The following TENM3 variants were observed in gnomAD, a reference collection of about 807,000 sequenced individuals.
TENM3 encodes the protein teneurin transmembrane protein 3.
TENM3 carries 63 observed loss-of-function variants against 255.1 expected under a neutral mutation model. The ratio of observed to expected loss-of-function variants is 0.25; its 90% confidence interval spans 0.20 to 0.30. The LOEUF is 0.30. Among genes scored for constraint, TENM3 ranks in the 10% least tolerant of loss-of-function variants. TENM3 has a pLI of 1.00. For missense variants in TENM3, 2,929 were observed against 3,461.1 expected (o/e 0.85, Z 3.86); for synonymous variants, 1,306 against 1,322.3 (o/e 0.99, Z 0.27).
the TENM3 span, among the ~76,000 whole-genome samples, chr4:181,621,030 T>A: frequency 6.6e-6 from 1 of 152,162 alleles, no homozygotes; most frequent in Non-Finnish European, 1.5e-5. Context: ...TGAAACATTT[T>A]AACTAGTTTT....
the TENM3 span, among the ~76,000 whole-genome samples, chr4:181,770,401 G>A: frequency 1.4e-4 from 22 of 152,240 alleles, no homozygotes; most frequent in South Asian, 2.1e-4. Flanking sequence ...TTGGCCGGGC[G>A]TGGTGGCTCA....
At position 182,250,635 on chromosome 4, in the gene TENM3, G is replaced by T. The variant is rs1230700556; in HGVS notation, c.-76+7159G>T. On this transcript the variant is annotated intron_variant, in intron 1 of 27. Coordinates refer to ENST00000511685, the MANE Select transcript of TENM3 (RefSeq NM_001080477.4). ...TCAGTGACTTTTTTGTAAAGCCAAA[G>T]AATTCTTACGTGTGAATGATTTCCA... Among the ~76,000 whole-genome samples the T allele has an allele frequency of 2.0e-5, 3 of 152,162 alleles. No individual in the cohort carries two copies. In the East Asian group the frequency reaches 5.8e-4, roughly 29 times the overall value.
chr4:182,335,103 G>C (rs1328657517), intron 2 of TENM3, among the ~76,000 whole-genome samples: 1 of 151,932 alleles, frequency 6.6e-6, no homozygotes, highest in African/African-American at 2.4e-5. Context: ...GCACAGGTAG[G>C]AAGGCCTTCT....
chr4:181,973,020 T>C, the TENM3 span, among the ~76,000 whole-genome samples: 1 of 152,180 alleles, frequency 6.6e-6, no homozygotes, highest in Non-Finnish European at 1.5e-5. Context: ...AGCGGCACTT[T>C]ATTGACAAAA....
intron 3 of TENM3, among the ~76,000 whole-genome samples, chr4:182,572,000 C>T (rs910566083): frequency 6.6e-6 from 1 of 152,110 alleles, no homozygotes; most frequent in African/African-American, 2.4e-5. Context: ...CTCCTGGGTT[C>T]AAGCAATTCT....
At chr4:182,379,302 A>G (rs967536448) in intron 3 of TENM3, among the ~76,000 whole-genome samples, 21 of 33,224 alleles carry the variant, frequency 6.3e-4, no homozygotes, top group Admixed American at 4.7e-3. Context: ...GGTTGCAGTG[A>G]GCCGAGATTC....
intron 4 of TENM3, among the ~76,000 whole-genome samples, chr4:182,616,924 T>C (rs535299736): frequency 4.6e-5 from 7 of 152,190 alleles, no homozygotes; most frequent in Non-Finnish European, 8.8e-5. Flanking sequence ...TGCCAGAAAT[T>C]TCCTATTCCT....
intron 6 of TENM3, among the ~76,000 whole-genome samples, chr4:182,669,266 T>G (rs1031179525): frequency 3.6e-5 from 5 of 136,990 alleles, no homozygotes; most frequent in Non-Finnish European, 7.8e-5. Context: ...CCATGTCACG[T>G]TTTTTTTGTT....
intron 3 of TENM3, among the ~76,000 whole-genome samples, chr4:182,508,480 T>C (rs10520535): frequency 0.037 from 5,593 of 152,288 alleles, 170 homozygotes; most frequent in African/African-American, 0.082. Flanking sequence ...ATTATCACTA[T>C]CATCATTATT....
the TENM3 span, among the ~76,000 whole-genome samples, chr4:181,741,975 A>C: frequency 6.6e-6 from 1 of 152,196 alleles, no homozygotes; most frequent in South Asian, 2.1e-4. Flanking sequence ...TTCAAATCAG[A>C]ACACTTATTA....
At chr4:182,797,993 C>G (rs1766621334) in intron 27 of TENM3, among the ~76,000 whole-genome samples, 1 of 152,016 alleles carries the variant, frequency 6.6e-6, no homozygotes, top group African/African-American at 2.4e-5. Flanking sequence ...AATGACAGAC[C>G]TTGTATAAGG....
chr4:181,843,991 TAC>T, the TENM3 span, among the ~76,000 whole-genome samples: 1 of 152,100 alleles, frequency 6.6e-6, no homozygotes. Context: ...GTGCTGGGAT[TAC>T]AGACATGAGC....
intron 3 of TENM3, among the ~76,000 whole-genome samples, chr4:182,438,030 G>A (rs1772172854): frequency 6.6e-6 from 1 of 152,096 alleles, no homozygotes; most frequent in South Asian, 2.1e-4. Flanking sequence ...CCTCCTGGAT[G>A]GCCATTTAAA....
chr4:182,133,494 A>G, the TENM3 span, among the ~76,000 whole-genome samples: 1 of 152,252 alleles, frequency 6.6e-6, no homozygotes, highest in African/African-American at 2.4e-5. Flanking sequence ...GAACTAATAC[A>G]TATTTAAAGG....
chr4:182,424,378 G>A (rs1384378571), intron 3 of TENM3, among the ~76,000 whole-genome samples: 1 of 151,890 alleles, frequency 6.6e-6, no homozygotes, highest in Non-Finnish European at 1.5e-5. Context: ...GAGTCTTTCA[G>A]TTAAAGTCAC....
At chr4:182,619,441 C>A (rs1749884985) in intron 4 of TENM3, among the ~76,000 whole-genome samples, 2 of 146,924 alleles carry the variant, frequency 1.4e-5, no homozygotes, top group Non-Finnish European at 3.0e-5. Context: ...AAAAAAAAAA[C>A]AATAGAAGCT....
chr4:181,492,324 A>G, the TENM3 span, among the ~76,000 whole-genome samples: 1 of 152,236 alleles, frequency 6.6e-6, no homozygotes. Flanking sequence ...AGCCAGTCTC[A>G]AAAGAACAGT....
At chr4:181,975,119 T>C in the TENM3 span, 1 of 151,110 alleles carries the variant, frequency 6.6e-6, no homozygotes, top group African/African-American at 2.4e-5. Flanking sequence ...ATTCGCTTTA[T>C]GGTTGTGGAG....
At chr4:182,100,452 T>TATATATATATATACA in the TENM3 span, among the ~76,000 whole-genome samples, 1 of 119,188 alleles carries the variant, frequency 8.4e-6, no homozygotes. Context: ...AAAAAAAATA[T>TATATATATATATACA]ATATATATAT....
Sources: gnomAD v4.1 joint callset for allele counts (sites outside exome capture counted in the v4.1 genomes callset) on GRCh38, gnomAD v4.1.1 for gene constraint, MANE v1.5 for transcripts, NCBI Gene and HGNC (gene_info 2026-07-23, HGNC 2026-07-21) for gene names.